AUTS2: variants seen among roughly 807,000 people sequenced by gnomAD.
AUTS2 encodes the protein activator of transcription and developmental regulator AUTS2.
A neutral mutation model predicts 112.4 loss-of-function variants in AUTS2; 17 were observed. That is an observed-to-expected ratio of 0.15 (90% CI 0.10 to 0.23). The LOEUF is 0.23. Ranked by LOEUF, AUTS2 falls within the 10% of genes least tolerant of loss-of-function variation. The pLI is 1.00. For synonymous variants in AUTS2, 751 were observed against 702.7 expected, an observed-to-expected ratio of 1.07 and a Z score of -1.09; for missense variants, 1,510 against 1,701.6, an observed-to-expected ratio of 0.89 and a Z score of 1.98.
At chr7:69,737,300 A>G (rs1210125286) in intron 1 of AUTS2, among the ~76,000 whole-genome samples, 1 of 152,210 alleles carries the variant, frequency 6.6e-6, no homozygotes, top group Non-Finnish European at 1.5e-5. Context: ...CTATTAATGT[A>G]CCAAGTACTG....
In AUTS2 at chr7:69,667,399, G is replaced by T. The variant is rs1470028129; in HGVS notation, c.309+67437G>T. 2.4e-4 allele frequency among the ~76,000 whole-genome samples: 35 copies of T among 146,676 alleles called. 1 individual carries two copies. In the Admixed American group the frequency reaches 2.4e-3, roughly 10 times the overall value. ...GATGGAGTCTTGCTCTGTCGCCCAG[G>T]CTGGAGTGCAGTGAGATGTTGTCTT... On this transcript the variant is annotated intron_variant, in intron 1 of 18. Coordinates refer to ENST00000342771, the MANE Select transcript of AUTS2 (RefSeq NM_015570.4).
chr7:70,693,307 A>G lies in AUTS2; in HGVS notation c.691-5262A>G, dbSNP rs147271934. On this transcript the variant is annotated intron_variant, in intron 5 of 18. Transcript: ENST00000342771. Reference sequence around the variant, plus strand: ...AGGGGATACAGACACGATACATGTTAGGATGATAGACGTAACTGCTGCCCA... The same window carrying G: ...AGGGGATACAGACACGATACATGTTGGGATGATAGACGTAACTGCTGCCCA... 1.4e-4 allele frequency among the ~76,000 whole-genome samples: 21 copies of G among 152,350 alleles called. 1 individual carries two copies. In the East Asian group the frequency reaches 1.9e-3, roughly 14 times the overall value.
At chr7:70,278,061 C>A (rs1788020877) in intron 4 of AUTS2, among the ~76,000 whole-genome samples, 1 of 151,604 alleles carries the variant, frequency 6.6e-6, no homozygotes, top group Non-Finnish European at 1.5e-5. Context: ...CCATTCTTCC[C>A]TTTAATCTGG....
intron 4 of AUTS2, among the ~76,000 whole-genome samples, chr7:70,165,225 G>A (rs368246948): frequency 3.3e-5 from 5 of 152,052 alleles, no homozygotes; most frequent in Admixed American, 6.6e-5. Context: ...TTTCCTGACC[G>A]CCTAACATAC....
rs180784423 is a variant in AUTS2, at chr7:70,706,968, G to A, written c.742+8348G>A. On this transcript the variant is annotated intron_variant, in intron 6 of 18. Transcript: ENST00000342771. Reference sequence around the variant, plus strand: ...CTTTGAATCTCAGTGCTTTGAAGACGCTTACTAGCTGTGGAACTTTGGGCT... The same window carrying A: ...CTTTGAATCTCAGTGCTTTGAAGACACTTACTAGCTGTGGAACTTTGGGCT... 1.2e-3 allele frequency among the ~76,000 whole-genome samples: 181 copies of A among 152,272 alleles called. 2 individuals are homozygous for A. The highest frequency in any genetic ancestry group is 1.8e-4 in the Non-Finnish European group (12 of 68,026).
intron 5 of AUTS2, among the ~76,000 whole-genome samples, chr7:70,682,170 A>G (rs1370769950): frequency 6.6e-6 from 1 of 152,212 alleles, no homozygotes; most frequent in African/African-American, 2.4e-5. Flanking sequence ...AACTGAAATC[A>G]CAGAAGAGCT....
intron 1 of AUTS2, among the ~76,000 whole-genome samples, chr7:69,695,848 CTTTATT>C (rs1284695372): frequency 1.3e-5 from 2 of 152,002 alleles, no homozygotes; most frequent in Non-Finnish European, 2.9e-5. Context: ...TAAAAAAAAT[CTTTATT>C]TTTAAGCACG....
chr7:69,964,395 G>T (rs1439755200), intron 2 of AUTS2, among the ~76,000 whole-genome samples: 1 of 152,116 alleles, frequency 6.6e-6, no homozygotes, highest in African/African-American at 2.4e-5. Context: ...CTATCCTTAG[G>T]CATTTGTTGA....
At chr7:69,850,163 G>C (rs1007072492) in intron 1 of AUTS2, among the ~76,000 whole-genome samples, 3 of 151,610 alleles carry the variant, frequency 2.0e-5, no homozygotes. Context: ...GCCGGGCGTA[G>C]TGGCATGCGC....
At chr7:69,847,712 G>A (rs886466208) in intron 1 of AUTS2, among the ~76,000 whole-genome samples, 2 of 152,144 alleles carry the variant, frequency 1.3e-5, no homozygotes, top group African/African-American at 4.8e-5. Flanking sequence ...TTGTGAGGTG[G>A]GCAAGAGTAG....
chr7:70,443,930 A>C (rs1339979570), intron 5 of AUTS2, among the ~76,000 whole-genome samples: 1 of 152,218 alleles, frequency 6.6e-6, no homozygotes, highest in African/African-American at 2.4e-5. Context: ...CTTGTTTGGT[A>C]ATGACCATTA....
chr7:70,350,618 C>T lies in AUTS2; in HGVS notation c.661-85134C>T, dbSNP rs903314982. Among the ~76,000 whole-genome samples, 4 of 152,300 alleles carry T rather than the reference C, an allele frequency of 2.6e-5. No individual in the cohort carries two copies. The East Asian group carries it at 5.8e-4, about 22-fold the overall frequency. The stretch of plus-strand genomic sequence containing the variant: ...GATTCAGTTACCTCCCACCTGGTCC[C>T]TCCCATGACACATGGGAGCTACAAT... On this transcript the variant is annotated intron_variant, in intron 4 of 18. Transcript: ENST00000342771.
chr7:70,088,664 G>A (rs1049424972), intron 2 of AUTS2, among the ~76,000 whole-genome samples: 15 of 151,330 alleles, frequency 9.9e-5, no homozygotes, highest in South Asian at 2.1e-4. Context: ...CCAGGCTGGC[G>A]TGCAATGGCG....
chr7:70,149,790 A>G (rs764261818), intron 4 of AUTS2, among the ~76,000 whole-genome samples: 1 of 152,224 alleles, frequency 6.6e-6, no homozygotes, highest in East Asian at 1.9e-4. Context: ...TGAGGTTTCA[A>G]ATTACTTAAA....
chr7:70,639,104 C>T (rs1204148597), intron 5 of AUTS2, among the ~76,000 whole-genome samples: 5 of 152,086 alleles, frequency 3.3e-5, no homozygotes, highest in Admixed American at 1.3e-4. Context: ...AAAGATTAAG[C>T]GCATAATATA....
chr7:70,235,056 A>C (rs1440959528), intron 4 of AUTS2, among the ~76,000 whole-genome samples: 1 of 152,206 alleles, frequency 6.6e-6, no homozygotes, highest in African/African-American at 2.4e-5. Flanking sequence ...ATGTATTATA[A>C]CGGTTTAATA....
intron 1 of AUTS2, among the ~76,000 whole-genome samples, chr7:69,638,722 A>C (rs1437853286): frequency 6.6e-6 from 1 of 152,170 alleles, no homozygotes; most frequent in East Asian, 1.9e-4. Flanking sequence ...TGCCATCTGG[A>C]TGTCAAAAGA....
Position 69,796,712 on chromosome 7 carries a change from A to G in AUTS2, c.310-102574A>G, listed in dbSNP as rs552114005. On this transcript the variant is annotated intron_variant, in intron 1 of 18. Transcript: ENST00000342771. ...TTGCAGGGTAGCTGAAAAGAAATGC[A>G]GTTCTGTTATTTTTTTGTTATAGAG... Among the ~76,000 whole-genome samples, 10 of 152,272 alleles carry G rather than the reference A, an allele frequency of 6.6e-5. No individual in the cohort carries two copies. The South Asian group carries it at 1.9e-3, about 28-fold the overall frequency.
intron 3 of AUTS2, among the ~76,000 whole-genome samples, chr7:70,131,691 T>C (rs894776996): frequency 6.6e-6 from 1 of 152,064 alleles, no homozygotes; most frequent in African/African-American, 2.4e-5. Flanking sequence ...CTACCAAATA[T>C]TTGCAGCTGT....
Sources: allele counts gnomAD v4.1 joint callset (sites outside exome capture counted in the v4.1 genomes callset), GRCh38; gene constraint gnomAD v4.1.1; transcripts MANE v1.5; gene names NCBI Gene and HGNC (gene_info 2026-07-23, HGNC 2026-07-21).